The following DLGAP2 variants were observed in gnomAD, a reference collection of about 807,000 sequenced individuals.
DLGAP2 encodes the protein DLG associated protein 2.
A neutral mutation model predicts 100.3 loss-of-function variants in DLGAP2; 26 were observed. The observed-to-expected ratio is 0.26, with a 90% CI of 0.19 to 0.36. The LOEUF (loss-of-function observed/expected upper bound fraction) is 0.36, where lower values mean the gene tolerates loss of function less well. DLGAP2 is among the 10% of genes least tolerant of loss of function. The pLI is 1.00. For missense variants in DLGAP2, 1,858 were observed against 1,453.2 expected (o/e 1.28, Z -4.53); for synonymous variants, 886 against 630.1 (o/e 1.41, Z -6.08).
At chr8:1,262,155 C>T (rs75303686) in intron 3 of DLGAP2, among the ~76,000 whole-genome samples, 1 of 152,208 alleles carries the variant, frequency 6.6e-6, no homozygotes, top group Non-Finnish European at 1.5e-5. Context: ...ATCTGTCAAA[C>T]AAACGCAACC....
intron 3 of DLGAP2, among the ~76,000 whole-genome samples, chr8:1,471,797 G>T (rs150096384): frequency 6.6e-6 from 1 of 152,286 alleles, no homozygotes; most frequent in East Asian, 1.9e-4. Flanking sequence ...CCACCTTTGT[G>T]GCTAAAGCTG....
intron 8 of DLGAP2, among the ~76,000 whole-genome samples, chr8:1,637,674 T>A (rs751549933): frequency 4.6e-5 from 7 of 152,216 alleles, no homozygotes; most frequent in Non-Finnish European, 7.3e-5. Flanking sequence ...TACATTTATG[T>A]CGTAAGCATT....
intron 2 of DLGAP2, among the ~76,000 whole-genome samples, chr8:1,229,828 G>A (rs1798498329): frequency 6.6e-6 from 1 of 152,122 alleles, no homozygotes; most frequent in African/African-American, 2.4e-5. Context: ...ACCCTTTCAT[G>A]ATAAAAACCC....
intron 1 of DLGAP2, among the ~76,000 whole-genome samples, chr8:816,159 A>G (rs1796472770): frequency 6.6e-6 from 1 of 152,170 alleles, no homozygotes; most frequent in South Asian, 2.1e-4. Context: ...ATTCTTATTC[A>G]TTCTACCATT....
intron 3 of DLGAP2, among the ~76,000 whole-genome samples, chr8:1,448,955 G>C (rs1798061050): frequency 6.6e-6 from 1 of 152,176 alleles, no homozygotes; most frequent in Non-Finnish European, 1.5e-5. Context: ...AGCAAAGTCT[G>C]TGTCCTTAGG....
intron 2 of DLGAP2, among the ~76,000 whole-genome samples, chr8:1,164,580 T>A (rs1025794068): frequency 6.6e-6 from 1 of 152,010 alleles, no homozygotes; most frequent in Non-Finnish European, 1.5e-5. Context: ...TGGGTCATAT[T>A]CTAAGCCCAG....
chr8:1,562,390 T>A (rs1423307457), intron 5 of DLGAP2, among the ~76,000 whole-genome samples: 2 of 58,218 alleles, frequency 3.4e-5, no homozygotes, highest in East Asian at 1.1e-3. Context: ...CTGTGTGGTG[T>A]TCGGGTGTCC....
chr8:1,070,831 G>T (rs1803405789), intron 2 of DLGAP2, among the ~76,000 whole-genome samples: 1 of 152,116 alleles, frequency 6.6e-6, no homozygotes, highest in Non-Finnish European at 1.5e-5. Context: ...TTCTGAGCTG[G>T]GCTGTGGTTG....
At chr8:797,994 C>T (rs1305711702) in intron 1 of DLGAP2, among the ~76,000 whole-genome samples, 1 of 152,174 alleles carries the variant, frequency 6.6e-6, no homozygotes, top group Non-Finnish European at 1.5e-5. Context: ...TCGTGATACG[C>T]CCACCTCGGC....
chr8:1,344,985 C>T (rs1419223065), intron 3 of DLGAP2, among the ~76,000 whole-genome samples: 1 of 152,232 alleles, frequency 6.6e-6, no homozygotes, highest in Admixed American at 6.5e-5. Flanking sequence ...GCCAGTTAAT[C>T]ACTTTCAATA....
intron 1 of DLGAP2, among the ~76,000 whole-genome samples, chr8:774,521 T>C (rs1204968291): frequency 6.6e-6 from 1 of 150,896 alleles, no homozygotes; most frequent in African/African-American, 2.4e-5. Context: ...GAATTGATTT[T>C]TGTATAAGGT....
At chr8:1,691,504 GT>G (rs200506987) in intron 12 of DLGAP2, 30 bp from the exon 13 acceptor site, 3 of 1,587,666 alleles carry the variant, frequency 1.9e-6, no homozygotes, top group South Asian at 1.1e-5. Context: ...TGAAGTTGTT[GT>G]TTTTTTGTTT....
At chr8:953,898 T>C (rs1323944303) in intron 2 of DLGAP2, among the ~76,000 whole-genome samples, 1 of 152,236 alleles carries the variant, frequency 6.6e-6, no homozygotes, top group Non-Finnish European at 1.5e-5. Context: ...GGTTGATGCC[T>C]CATCAAGGAT....
chr8:1,551,168 ATAT>A (rs1236132227), intron 5 of DLGAP2, among the ~76,000 whole-genome samples: 1 of 152,372 alleles, frequency 6.6e-6, no homozygotes, highest in African/African-American at 2.4e-5. Context: ...GTTGCATAAA[ATAT>A]TATTTTATAG....
At chr8:1,258,053 C>G (rs1419783030) in intron 2 of DLGAP2, among the ~76,000 whole-genome samples, 1 of 152,230 alleles carries the variant, frequency 6.6e-6, no homozygotes, top group Non-Finnish European at 1.5e-5. Context: ...GCCGTGCTCC[C>G]AAAGTGTTTG....
chr8:1,544,437 A>G (rs767602401), intron 4 of DLGAP2, among the ~76,000 whole-genome samples: 5 of 152,122 alleles, frequency 3.3e-5, no homozygotes, highest in Non-Finnish European at 7.3e-5. Context: ...AGCATTGAGT[A>G]TGATGTTAGC....
At chr8:1,001,995 A>G (rs1315315995) in intron 2 of DLGAP2, 1 of 152,234 alleles carries the variant, frequency 6.6e-6, no homozygotes, top group Non-Finnish European at 1.5e-5. Flanking sequence ...TAATTTTCCT[A>G]CACAATATAC....
At chr8:1,141,515 G>C (rs973049482) in intron 2 of DLGAP2, among the ~76,000 whole-genome samples, 1 of 152,134 alleles carries the variant, frequency 6.6e-6, no homozygotes, top group Non-Finnish European at 1.5e-5. Flanking sequence ...GAATGTTGGT[G>C]TTGTGGTCAA....
At chr8:1,098,597 TCCCGGCCGCCCACGGGCGCC>T (rs1804470215) in intron 2 of DLGAP2, among the ~76,000 whole-genome samples, 1 of 106,968 alleles carries the variant, frequency 9.3e-6, no homozygotes, top group Non-Finnish European at 2.2e-5. Context: ...CACACCAGGC[TCCCGGCCGCCCACGGGCGCC>T]GCCACCCACG....
Sources: allele counts gnomAD v4.1 joint callset (sites outside exome capture counted in the v4.1 genomes callset), GRCh38; gene constraint gnomAD v4.1.1; transcripts MANE v1.5; gene names NCBI Gene and HGNC (gene_info 2026-07-23, HGNC 2026-07-21).